Variants in GRK5 observed in about 807,000 individuals in gnomAD.
GRK5 encodes g protein-coupled receptor kinase GRK5.
GRK5 carries 40 observed loss-of-function variants against 78.4 expected under a neutral mutation model. The observed-to-expected ratio is 0.51, with a 90% confidence interval of 0.40 to 0.66. The LOEUF is 0.66. Ranked by LOEUF, GRK5 falls within the 30% of genes least tolerant of loss-of-function variation. The pLI is 0.00. For synonymous variants in GRK5, 289 were observed against 296.8 expected, an observed-to-expected ratio of 0.97 and a Z score of 0.27; for missense variants, 598 against 759.9, an observed-to-expected ratio of 0.79 and a Z score of 2.50.
intron 2 of GRK5, among the ~76,000 whole-genome samples, chr10:119,350,018 C>T (rs1440896322): frequency 1.3e-5 from 2 of 152,220 alleles, no homozygotes; most frequent in Non-Finnish European, 2.9e-5. Context: ...CCTCGGTCAC[C>T]CACTTATAGG....
rs1421041123 is a variant in GRK5 at position 119,430,556 on chromosome 10, A to G, written c.597+118A>G. The G allele has an allele frequency of 1.0e-5, 8 of 802,662 alleles. No homozygotes were observed. Among genetic ancestry groups the G allele is most frequent in the East Asian group, 2.6e-5 (1 of 38,026 alleles). The allele number at this position is 802,662 out of a possible 1,614,324, so 49.7% of individuals were successfully genotyped here. On this transcript the variant is annotated intron_variant, in intron 7 of 15. Transcript: ENST00000392870. This position sits in a 1 kb window ranked among gnomAD's most constrained non-coding sequence, Gnocchi z 4.5. The stretch of plus-strand genomic sequence containing the variant: ...GTCCCCCGGGGGCACCAGTGGCTCA[A>G]TGTGGGCCCCGGGGGCAGTGAGGGT...
chr10:119,221,247 T>G (rs2133709671), intron 1 of GRK5, among the ~76,000 whole-genome samples: 1 of 152,262 alleles, frequency 6.6e-6, no homozygotes, highest in African/African-American at 2.4e-5. Flanking sequence ...CAGAAATAAT[T>G]AGCGTCAGCA....
In GRK5 at chr10:119,299,985, G is replaced by A. The variant is rs369546675; in HGVS notation, c.53-26531G>A. 1.1e-3 allele frequency among the ~76,000 whole-genome samples: 174 copies of A among 152,072 alleles called. 2 individuals are homozygous for A. Among genetic ancestry groups the A allele is most frequent in the African/African-American group, 4.1e-3 (170 of 41,464 alleles). On this transcript the variant is annotated intron_variant, in intron 1 of 15. Transcript: ENST00000392870. ...CCTTCCCCACCCCACGACAGGCCCC[G>A]GTGTGTGATGTTCCCTAAGCAGATG... is the stretch of plus-strand genomic sequence containing the variant.
intron 8 of GRK5, among the ~76,000 whole-genome samples, chr10:119,432,715 T>C (rs1173122016): frequency 6.6e-6 from 1 of 152,198 alleles, no homozygotes; most frequent in African/African-American, 2.4e-5. Context: ...ATCATTCTCC[T>C]GAAGAGATAA....
intron 1 of GRK5, among the ~76,000 whole-genome samples, chr10:119,261,724 C>T (rs1849406122): frequency 6.6e-6 from 1 of 152,258 alleles, no homozygotes; most frequent in Admixed American, 6.5e-5. Flanking sequence ...CAGCGAAACC[C>T]CGTCTCCACC....
intron 1 of GRK5, among the ~76,000 whole-genome samples, chr10:119,237,057 C>G (rs1848945975): frequency 8.1e-6 from 1 of 123,982 alleles, no homozygotes; most frequent in Admixed American, 1.1e-4. Context: ...GTGTATTTGC[C>G]TTACCTTTTT....
intron 1 of GRK5, among the ~76,000 whole-genome samples, chr10:119,237,185 C>G (rs1349859522): frequency 6.6e-6 from 1 of 151,466 alleles, no homozygotes; most frequent in Non-Finnish European, 1.5e-5. Context: ...GTCTCAGCCA[C>G]TTGAGTAGCT....
At chr10:119,363,292 AAAC>A (rs1486865406) in intron 2 of GRK5, among the ~76,000 whole-genome samples, 1 of 151,716 alleles carries the variant, frequency 6.6e-6, no homozygotes, top group Admixed American at 6.6e-5. Flanking sequence ...AAAAAAAAAA[AAAC>A]AACAAACAGT....
At chr10:119,299,793 GATGTGTGTGT>G (rs752292594) in intron 1 of GRK5, among the ~76,000 whole-genome samples, 28 of 117,724 alleles carry the variant, frequency 2.4e-4, no homozygotes, top group South Asian at 1.6e-3. Flanking sequence ...CATTTAAGCA[GATGTGTGTGT>G]GTGTGTGTGT....
At position 119,431,613 on chromosome 10, in the gene GRK5, G is replaced by A. The variant is rs550115144; in HGVS notation, c.738+86G>A. On this transcript the variant is annotated intron_variant, in intron 8 of 15. Transcript: ENST00000392870. The surrounding 1 kb of genome is among the most constrained non-coding windows in gnomAD (Gnocchi z 4.8). ...CTCCGGAAGGGCGTGGTCCTCTAATGCGGCCGGTCCCCACCCCTGGGAAGG... is the reference window on the plus strand; with the variant it reads ...CTCCGGAAGGGCGTGGTCCTCTAATACGGCCGGTCCCCACCCCTGGGAAGG... 5 of 1,495,358 alleles carry A rather than the reference G, an allele frequency of 3.3e-6. No individual in the cohort carries two copies. Among genetic ancestry groups the A allele is most frequent in the East Asian group, 2.4e-5 (1 of 42,174 alleles). 92.6% of individuals were successfully genotyped at this position (1,495,358 alleles called of 1,614,324 possible). A position where few individuals can be genotyped will look rare whatever the true frequency, so the allele number is the denominator to read the frequency against.
Position 119,430,299 on chromosome 10 carries a change from C to A in GRK5, c.534-76C>A. 1 of 1,323,598 alleles carries A rather than the reference C, an allele frequency of 7.6e-7. No homozygotes were observed. The allele number at this position is 1,323,598 out of a possible 1,614,324, so 82.0% of individuals were successfully genotyped here. A position where few individuals can be genotyped will look rare whatever the true frequency, so the allele number is the denominator to read the frequency against. On this transcript the variant is annotated intron_variant, in intron 6 of 15. Transcript: ENST00000392870. This position sits in a 1 kb window ranked among gnomAD's most constrained non-coding sequence, Gnocchi z 4.5. Reference sequence around the variant, plus strand: ...GGAATTATACCCCACCCCAGCTGCTCTCAATGTGCCACTGTTTCCTGTGGA... The same window carrying A: ...GGAATTATACCCCACCCCAGCTGCTATCAATGTGCCACTGTTTCCTGTGGA...
chr10:119,310,309 C>T (rs1850337123), intron 1 of GRK5, among the ~76,000 whole-genome samples: 1 of 152,190 alleles, frequency 6.6e-6, no homozygotes, highest in African/African-American at 2.4e-5. Context: ...CAGTGGCTGA[C>T]CTACGACTGC....
At chr10:119,213,268 T>TG (rs1229587137) in intron 1 of GRK5, 3 of 152,298 alleles carry the variant, frequency 2.0e-5, no homozygotes, top group Non-Finnish European at 4.4e-5. Context: ...CCCAGCACTT[T>TG]GGGAGGCCGA....
intron 1 of GRK5, among the ~76,000 whole-genome samples, chr10:119,292,917 A>G (rs1433407639): frequency 4.0e-5 from 6 of 151,702 alleles, no homozygotes; most frequent in Non-Finnish European, 7.4e-5. Context: ...GCCCGTGGAT[A>G]TGGGAGGCCA....
chr10:119,440,532 C>T (rs1239219826), intron 10 of GRK5, among the ~76,000 whole-genome samples: 1 of 151,200 alleles, frequency 6.6e-6, no homozygotes, highest in Non-Finnish European at 1.5e-5. Flanking sequence ...TGCACGCCAC[C>T]ACACCTGGCT....
chr10:119,232,537 C>T (rs117769728), intron 1 of GRK5, among the ~76,000 whole-genome samples: 3 of 152,242 alleles, frequency 2.0e-5, no homozygotes, highest in East Asian at 3.9e-4. Context: ...TGAATTCCCA[C>T]GTGTTGTGGG....
chr10:119,268,853 G>T (rs1322451338), intron 1 of GRK5, among the ~76,000 whole-genome samples: 7 of 152,188 alleles, frequency 4.6e-5, no homozygotes, highest in Non-Finnish European at 4.4e-5. Flanking sequence ...TGATCTCAAG[G>T]TGGGATTCAT....
intron 13 of GRK5, 120 bp downstream of exon 13, chr10:119,448,380 C>A: frequency 8.6e-7 from 1 of 1,163,088 alleles, no homozygotes; most frequent in South Asian, 1.6e-5. Context: ...TTGTGGGGAC[C>A]AGGGTCCCCT....
intron 1 of GRK5, among the ~76,000 whole-genome samples, chr10:119,269,233 C>T (rs1282276941): frequency 6.6e-6 from 1 of 152,156 alleles, no homozygotes; most frequent in Non-Finnish European, 1.5e-5. Context: ...TGTTGAAGCA[C>T]GAGCCTCTTC....
Sources: gnomAD v4.1 joint callset for allele counts (sites outside exome capture counted in the v4.1 genomes callset) on GRCh38, gnomAD v4.1.1 for gene constraint, Gnocchi (gnomAD v3.1) non-coding constraint, MANE v1.5 for transcripts, NCBI Gene and HGNC (gene_info 2026-07-23, HGNC 2026-07-21) for gene names.